The following TNRC6C variants were observed in gnomAD, a reference collection of about 807,000 sequenced individuals.
The protein encoded by TNRC6C is trinucleotide repeat containing adaptor 6C.
Under a neutral mutation model 153.7 loss-of-function variants are expected in TNRC6C, and 20 were observed. The ratio of observed to expected loss-of-function variants is 0.13; its 90% CI spans 0.09 to 0.19. The LOEUF is 0.19. Among genes scored for constraint, TNRC6C ranks in the 10% least tolerant of loss-of-function variants. The pLI is 1.00. For missense variants in TNRC6C, 1,987 were observed against 2,172.0 expected (o/e 0.91, Z 1.69); for synonymous variants, 811 against 841.4 (o/e 0.96, Z 0.63).
intron 1 of TNRC6C, among the ~76,000 whole-genome samples, chr17:77,975,535 G>T (rs983622483): frequency 3.9e-5 from 6 of 152,110 alleles, no homozygotes; most frequent in Non-Finnish European, 8.8e-5. Context: ...GCTACACATA[G>T]CAGTTTTAAA....
intron 16 of TNRC6C, among the ~76,000 whole-genome samples, chr17:78,095,912 G>T (rs1054237323): frequency 6.6e-6 from 1 of 152,176 alleles, no homozygotes; most frequent in African/African-American, 2.4e-5. Flanking sequence ...TTAGCTGCGT[G>T]TGGTGGCACA....
At chr17:78,101,768 T>C (rs1270233998) in intron 17 of TNRC6C, among the ~76,000 whole-genome samples, 1 of 152,224 alleles carries the variant, frequency 6.6e-6, no homozygotes, top group Non-Finnish European at 1.5e-5. Flanking sequence ...AGATCGCTCG[T>C]GCTACTGTTT....
At chr17:78,102,781 C>T in intron 18 of TNRC6C, 2 of 509,956 alleles carry the variant, frequency 3.9e-6, no homozygotes, top group Non-Finnish European at 6.9e-6. Flanking sequence ...TGTTTCCCCA[C>T]CAGAGGCTGG....
upstream of TNRC6C, chr17:78,004,213 G>GAAAAGA (rs766553751): frequency 8.1e-7 from 1 of 1,231,478 alleles, no homozygotes; most frequent in Admixed American, 4.2e-5. Flanking sequence ...TTTGATGGAA[G>GAAAAGA]AAAAGAAAAA....
At chr17:78,024,467 C>T (rs928170598) in intron 1 of TNRC6C, among the ~76,000 whole-genome samples, 4 of 151,354 alleles carry the variant, frequency 2.6e-5, no homozygotes, top group African/African-American at 7.3e-5. Context: ...CCCAGGTTCA[C>T]GCCATTCTCC....
At chr17:78,107,218 T>C (rs1290211426) in exon 20 of TNRC6C, 1 of 152,226 alleles carries the variant, frequency 6.6e-6, no homozygotes, top group Non-Finnish European at 1.5e-5. Flanking sequence ...AAGTCAAGAA[T>C]ATGTTTGTTT....
At position 77,960,535 on chromosome 17, in the gene TNRC6C, C is replaced by G. The variant is rs185887121; in HGVS notation, c.-38+1267C>G. On this transcript the variant is annotated intron_variant, in intron 1 of 22. Coordinates refer to the TNRC6C transcript ENST00000636222. ...ATGAGTTGAGACCCTGGAAACCTGG[C>G]TTGAGTGATTTCAGAGGACAGTGGT... Among the ~76,000 whole-genome samples, 1,050 of 152,286 alleles carry G rather than the reference C, an allele frequency of 6.9e-3. 3 individuals are homozygous for G. The highest frequency in any genetic ancestry group is 0.011 in the Non-Finnish European group (771 of 68,022).
intron 2 of TNRC6C, among the ~76,000 whole-genome samples, chr17:78,047,987 A>G (rs2072443692): frequency 6.6e-6 from 1 of 152,216 alleles, no homozygotes. Flanking sequence ...TAAATACTAT[A>G]AGAAGATGGC....
At chr17:78,074,502 G>C (rs1277857011) in intron 7 of TNRC6C, among the ~76,000 whole-genome samples, 1 of 152,234 alleles carries the variant, frequency 6.6e-6, no homozygotes. Flanking sequence ...AGCAGCGTGT[G>C]CTGCAAGAGG....
At chr17:77,979,008 A>G (rs1342765819) in intron 1 of TNRC6C, among the ~76,000 whole-genome samples, 1 of 152,222 alleles carries the variant, frequency 6.6e-6, no homozygotes, top group Non-Finnish European at 1.5e-5. Context: ...ACATTCAGTC[A>G]AAAACTAAGC....
chr17:77,979,547 G>A (rs2071044954), intron 1 of TNRC6C, among the ~76,000 whole-genome samples: 1 of 151,968 alleles, frequency 6.6e-6, no homozygotes, highest in Non-Finnish European at 1.5e-5. Flanking sequence ...GAGACAAAAG[G>A]ATGGAAAATG....
At chr17:78,039,479 T>G (rs989708312) in intron 2 of TNRC6C, among the ~76,000 whole-genome samples, 1 of 152,250 alleles carries the variant, frequency 6.6e-6, no homozygotes, top group African/African-American at 2.4e-5. Context: ...CCAAGACTTC[T>G]AATACTTGCA....
chr17:78,047,519 C>T (rs377456456), intron 2 of TNRC6C, among the ~76,000 whole-genome samples: 1 of 152,124 alleles, frequency 6.6e-6, no homozygotes, highest in East Asian at 1.9e-4. Context: ...TTGATATTAG[C>T]TTTAGTATGG....
rs566357846 is a variant in TNRC6C, at chr17:78,074,998, C to A, written c.2918-138C>A. On this transcript the variant is annotated intron_variant, in intron 7 of 19. Transcript: ENST00000301624. ...GGGCTCAGCCCTAGCAAAGCAAGGG[C>A]TCTCTCTGCCCCTGGCTTCCCTGTG... is the stretch of plus-strand genomic sequence containing the variant. 8 of 1,136,136 alleles carry A rather than the reference C, an allele frequency of 7.0e-6. No individual in the cohort carries two copies. The East Asian group carries it at 1.8e-4, about 26-fold the overall frequency. 70.4% of individuals were successfully genotyped at this position (1,136,136 alleles called of 1,614,324 possible).
At chr17:78,102,297 A>C (rs765272469) in intron 17 of TNRC6C, among the ~76,000 whole-genome samples, 177 bp from the exon 21 acceptor site, 15 of 152,134 alleles carry the variant, frequency 9.9e-5, no homozygotes, top group Non-Finnish European at 1.9e-4. Context: ...GTCTGCAGGG[A>C]CTGTGAGGTT....
At chr17:78,012,831 A>G (rs537189884) in intron 1 of TNRC6C, among the ~76,000 whole-genome samples, 8 of 152,338 alleles carry the variant, frequency 5.3e-5, no homozygotes, top group African/African-American at 1.7e-4. Context: ...TGATTTATCT[A>G]TCTCACACTT....
intron 1 of TNRC6C, among the ~76,000 whole-genome samples, chr17:77,969,689 T>C (rs2070925782): frequency 6.6e-6 from 1 of 151,928 alleles, no homozygotes; most frequent in African/African-American, 2.4e-5. Context: ...TGTTCTTTTC[T>C]CTCTGATTTC....
At chr17:77,999,950 G>T (rs781689438), upstream of TNRC6C, among the ~76,000 whole-genome samples, 1 of 152,196 alleles carries the variant, frequency 6.6e-6, no homozygotes, top group Non-Finnish European at 1.5e-5. Context: ...GAAGCAAGTC[G>T]CTGGTCTCTC....
exon 3 of TNRC6C, chr17:78,050,789 A>G: frequency 1.2e-6 from 2 of 1,609,066 alleles, no homozygotes; most frequent in Admixed American, 1.7e-5. Context: ...GAGCCTCCAA[A>G]GCCCAAATCC....
Sources: allele counts gnomAD v4.1 joint callset (sites outside exome capture counted in the v4.1 genomes callset), GRCh38; gene constraint gnomAD v4.1.1; transcripts MANE v1.5; gene names NCBI Gene and HGNC (gene_info 2026-07-23, HGNC 2026-07-21).